The following MOXD1 variants were observed in gnomAD, a reference collection of about 807,000 sequenced individuals.
MOXD1 encodes monooxygenase DBH like 1, also known as DBH-like monooxygenase protein 1.
In MOXD1, 62 loss-of-function variants were observed where a neutral mutation model predicts 66.6. The observed-to-expected ratio is 0.93, with a 90% CI of 0.76 to 1.15. The LOEUF is 1.15. Ranked by LOEUF, MOXD1 falls within the 50% of genes most tolerant of loss-of-function variation. The pLI is 0.00. For missense variants in MOXD1, 847 were observed against 754.6 expected (o/e 1.12, Z -1.44); for synonymous variants, 303 against 281.9 (o/e 1.07, Z -0.75).
chr6:132,329,229 C>T (rs995954194), intron 4 of MOXD1, among the ~76,000 whole-genome samples: 1 of 152,112 alleles, frequency 6.6e-6, no homozygotes, highest in Non-Finnish European at 1.5e-5. Context: ...GTTTTCTGTC[C>T]TTGGCGATAG....
intron 4 of MOXD1, among the ~76,000 whole-genome samples, chr6:132,346,033 T>C (rs2114615718): frequency 6.6e-6 from 1 of 152,074 alleles, no homozygotes; most frequent in Non-Finnish European, 1.5e-5. Context: ...GTGGGTCTGT[T>C]TTTTTGTTGT....
In MOXD1 at chr6:132,401,246, C is replaced by G; in HGVS notation, c.181G>C (p.Gly61Arg). 1 of 1,592,846 alleles carries G rather than the reference C, an allele frequency of 6.3e-7. No individual in the cohort carries two copies. The stretch of plus-strand genomic sequence containing the variant: ...GCCCCGGTGGGCGAGAAGCCGAAGC[C>G]CACGTAGCCTGCAGTGCGCACCTGG... The part of the protein sequence containing the change: ...RLQVRTAGYV[G>R]FGFSPTGAMA... Residue 61 changes from glycine to arginine, a missense_variant, in exon 1 of 12, where the codon GGC (glycine) becomes CGC (arginine). Gly to Arg is a moderately radical substitution (Grantham distance 125). Transcript: ENST00000367963.
chr6:132,347,042 G>A (rs759900255), intron 4 of MOXD1, among the ~76,000 whole-genome samples: 5 of 152,146 alleles, frequency 3.3e-5, no homozygotes, highest in Non-Finnish European at 5.9e-5. Context: ...TACAATAATA[G>A]CTATCGTTTG....
At chr6:132,302,299 A>T (rs1774558925) in intron 10 of MOXD1, among the ~76,000 whole-genome samples, 1 of 152,174 alleles carries the variant, frequency 6.6e-6, no homozygotes, top group Admixed American at 6.5e-5. Flanking sequence ...AATAAAAACA[A>T]CCTAGTACTA....
At chr6:132,361,696 TTC>T (rs1776021618) in intron 4 of MOXD1, among the ~76,000 whole-genome samples, 1 of 152,132 alleles carries the variant, frequency 6.6e-6, no homozygotes, top group Non-Finnish European at 1.5e-5. Flanking sequence ...TCCCTAAAGA[TTC>T]TGATTCTAAC....
At position 132,400,828 on chromosome 6, in the gene MOXD1, G is replaced by C. The variant is rs1177176960; in HGVS notation, c.264+335C>G. On this transcript the variant is annotated intron_variant, in intron 1 of 11. Coordinates refer to ENST00000367963, the MANE Select transcript of MOXD1 (RefSeq NM_015529.4). The stretch of plus-strand genomic sequence containing the variant: ...ATTAGGTCCCCAAAGCCAAAGCCTA[G>C]GTCCTTCTCCCTTCCCATCAGGGAT... 2.0e-5 allele frequency among the ~76,000 whole-genome samples: 3 copies of C among 152,206 alleles called. No individual in the cohort carries two copies. The South Asian group carries it at 6.2e-4, about 32-fold the overall frequency.
At chr6:132,328,178 C>A in intron 5 of MOXD1, 63 bp from the exon 6 acceptor site, 1 of 1,395,094 alleles carries the variant, frequency 7.2e-7, no homozygotes, top group Non-Finnish European at 1.0e-6. Context: ...CTATTCCACT[C>A]AAAAACCAGC....
At chr6:132,314,486 C>T (rs1562279352) in intron 10 of MOXD1, among the ~76,000 whole-genome samples, 1 of 152,188 alleles carries the variant, frequency 6.6e-6, no homozygotes, top group Non-Finnish European at 1.5e-5. Context: ...TTATGTTGCC[C>T]ATAAAGTCCT....
chr6:132,397,694 G>GAAAGAAAGAAAGAAAGA (rs1554239260), intron 1 of MOXD1, among the ~76,000 whole-genome samples: 59 of 117,584 alleles, frequency 5.0e-4, no homozygotes, highest in Admixed American at 6.9e-4. Context: ...AAGAAAGAAA[G>GAAAGAAAGAAAGAAAGA]AAAGAAAAAG....
chr6:132,369,734 C>T (rs1273667743), intron 4 of MOXD1, among the ~76,000 whole-genome samples: 1 of 151,970 alleles, frequency 6.6e-6, no homozygotes, highest in Non-Finnish European at 1.5e-5. Context: ...ATATGCTGGA[C>T]AAAGGAATGA....
At chr6:132,351,670 AGGGTTCT>A (rs1392758690) in intron 4 of MOXD1, among the ~76,000 whole-genome samples, 1 of 152,090 alleles carries the variant, frequency 6.6e-6, no homozygotes, top group African/African-American at 2.4e-5. Flanking sequence ...TGAATTAGGG[AGGGTTCT>A]CCCTTTCTCT....
At chr6:132,338,326 T>G (rs1775480935) in intron 4 of MOXD1, among the ~76,000 whole-genome samples, 1 of 152,202 alleles carries the variant, frequency 6.6e-6, no homozygotes, top group African/African-American at 2.4e-5. Context: ...GCCTTTTCAG[T>G]GCACCTACCA....
chr6:132,385,193 T>G (rs1264557680), intron 1 of MOXD1, among the ~76,000 whole-genome samples: 1 of 152,010 alleles, frequency 6.6e-6, no homozygotes, highest in African/African-American at 2.4e-5. Flanking sequence ...AGGAAACAGG[T>G]TGGAGTTTAG....
chr6:132,321,468 T>C (rs1023944335), intron 8 of MOXD1, among the ~76,000 whole-genome samples: 5 of 152,226 alleles, frequency 3.3e-5, no homozygotes, highest in African/African-American at 1.2e-4. Flanking sequence ...GGCAAATTAA[T>C]AGAAGTTTAT....
Position 132,297,200 on chromosome 6 carries a change from C to T in MOXD1, c.1795G>A (p.Val599Ile). 2 of 1,613,598 alleles carry T rather than the reference C, an allele frequency of 1.2e-6. No homozygotes were observed. The highest frequency in any genetic ancestry group is 1.1e-5 in the South Asian group (1 of 91,048). The change falls in exon 12 of 12, where the codon GTT becomes ATT. Residue 599 changes from valine to isoleucine, a missense_variant. Physicochemically the swap from Val to Ile is conservative, Grantham distance 29. Coordinates refer to ENST00000367963, the MANE Select transcript of MOXD1 (RefSeq NM_015529.4). ...GTGCAGCTGAGTAGCAGAAGGCAAACAAGCAAGTTGATGGAGAAATCTCTG... is the reference window on the plus strand; with the variant it reads ...GTGCAGCTGAGTAGCAGAAGGCAAATAAGCAAGTTGATGGAGAAATCTCTG... ...LHRDFSINLL[V>I]CLLLLSCTLS...
chr6:132,311,973 T>C (rs1034334467), intron 10 of MOXD1, among the ~76,000 whole-genome samples: 1 of 152,154 alleles, frequency 6.6e-6, no homozygotes, highest in Non-Finnish European at 1.5e-5. Flanking sequence ...TTGATGCTTT[T>C]TTAGGAACAG....
chr6:132,297,140 A>C lies in MOXD1; in HGVS notation c.*13T>G, dbSNP rs1373842980. On this transcript the variant is annotated 3_prime_UTR_variant, in exon 12 of 12. Coordinates refer to ENST00000367963, the MANE Select transcript of MOXD1 (RefSeq NM_015529.4). The stretch of plus-strand genomic sequence containing the variant: ...GATCATAGAAAACATTGTCAAGTCC[A>C]ACAGAATTTTGATCACAAGCTCTTG... 1.9e-6 allele frequency: 3 copies of C among 1,612,208 alleles called. No individual in the cohort carries two copies. Among genetic ancestry groups the C allele is most frequent in the Non-Finnish European group, 2.5e-6 (3 of 1,178,890 alleles).
Position 132,372,654 on chromosome 6 carries a change from T to C in MOXD1, c.617A>G (p.Gln206Arg), listed in dbSNP as rs1776288125. ...IPNKDTTYWC[Q>R]MFKIPVFQEK... ...TTGGAACACAGGAATCTTAAACATT[T>C]GGCACCAATATGTTGTATCTTTGTT... is the stretch of plus-strand genomic sequence containing the variant. Residue 206 changes from glutamine (Q) to arginine (R), a missense_variant, in exon 4 of 12, where the codon CAA (glutamine) becomes CGA (arginine). Transcript: ENST00000367963. 3 of 1,613,986 alleles carry C rather than the reference T, an allele frequency of 1.9e-6. No individual in the cohort carries two copies. Among genetic ancestry groups the C allele is most frequent in the Non-Finnish European group, 2.5e-6 (3 of 1,179,874 alleles).
chr6:132,332,383 A>G (rs1409059372), intron 4 of MOXD1, among the ~76,000 whole-genome samples: 3 of 152,202 alleles, frequency 2.0e-5, no homozygotes, highest in Admixed American at 2.0e-4. Context: ...GAGCAAAGAC[A>G]GGGAAAAAAA....
Sources: allele counts gnomAD v4.1 joint callset (sites outside exome capture counted in the v4.1 genomes callset), GRCh38; gene constraint gnomAD v4.1.1; transcripts MANE v1.5; gene names NCBI Gene and HGNC (gene_info 2026-07-23, HGNC 2026-07-21).